NRDC: variants seen among roughly 807,000 people sequenced by gnomAD.
The protein encoded by NRDC is nardilysin.
In NRDC, 54 loss-of-function variants were observed where a neutral mutation model predicts 147.1. The ratio of observed to expected loss-of-function variants is 0.37; its 90% confidence interval spans 0.29 to 0.46. NRDC has a LOEUF of 0.46. Ranked by LOEUF, NRDC falls within the 20% of genes least tolerant of loss-of-function variation. NRDC has a pLI of 1.00. For synonymous variants in NRDC, 440 were observed against 482.1 expected, an observed-to-expected ratio of 0.91 and a Z score of 1.14; for missense variants, 1,082 against 1,370.6, an observed-to-expected ratio of 0.79 and a Z score of 3.33.
At chr1:51,829,634 TCTC>T (rs1210830337) in intron 4 of NRDC, among the ~76,000 whole-genome samples, 8 of 152,194 alleles carry the variant, frequency 5.3e-5, no homozygotes, top group Non-Finnish European at 1.0e-4. Context: ...CAATTTTCTC[TCTC>T]CTCCTTCTAC....
At chr1:51,829,282 G>T (rs910332365) in intron 4 of NRDC, among the ~76,000 whole-genome samples, 22 of 152,206 alleles carry the variant, frequency 1.4e-4, no homozygotes, top group African/African-American at 5.1e-4. Context: ...CTGGGCTCAA[G>T]TGATCCACCT....
intron 29 of NRDC, 74 bp downstream of exon 29, chr1:51,790,459 G>A: frequency 1.1e-6 from 1 of 893,366 alleles, no homozygotes; most frequent in Non-Finnish European, 1.9e-6. Context: ...ATGCTGGTGT[G>A]CACAGACCTG....
At chr1:51,800,135 C>T (rs1370271764) in intron 21 of NRDC, among the ~76,000 whole-genome samples, 1 of 152,150 alleles carries the variant, frequency 6.6e-6, no homozygotes, top group Non-Finnish European at 1.5e-5. Flanking sequence ...CCACCACACC[C>T]AGCTAATTTT....
At chr1:51,802,040 G>A (rs1679234151) in intron 20 of NRDC, among the ~76,000 whole-genome samples, 1 of 152,184 alleles carries the variant, frequency 6.6e-6, no homozygotes, top group Non-Finnish European at 1.5e-5. Context: ...GCCCGCCTCA[G>A]CCTCTCAAAG....
intron 1 of NRDC, among the ~76,000 whole-genome samples, chr1:51,867,283 A>G (rs1393165568): frequency 1.3e-5 from 2 of 152,232 alleles, no homozygotes; most frequent in African/African-American, 2.4e-5. Context: ...AACAGGCACT[A>G]TTCTAGGCAC....
intron 1 of NRDC, among the ~76,000 whole-genome samples, chr1:51,861,011 A>ACGAGC (rs1682505402): frequency 6.7e-6 from 1 of 149,064 alleles, no homozygotes; most frequent in Non-Finnish European, 1.5e-5. Flanking sequence ...ATACAGTGGC[A>ACGAGC]TGAGCTTGGC....
At chr1:51,861,991 C>T (rs1682566863) in intron 1 of NRDC, 1 of 152,136 alleles carries the variant, frequency 6.6e-6, no homozygotes, top group African/African-American at 2.4e-5. Flanking sequence ...TAACATTGGA[C>T]TTAATATCCT....
chr1:51,865,760 C>T (rs1269717332), intron 1 of NRDC, among the ~76,000 whole-genome samples: 1 of 151,634 alleles, frequency 6.6e-6, no homozygotes, highest in Non-Finnish European at 1.5e-5. Flanking sequence ...TTTTTAAAAC[C>T]TAACAATATC....
chr1:51,876,543 T>A (rs1027480972), intron 1 of NRDC, among the ~76,000 whole-genome samples: 1 of 152,228 alleles, frequency 6.6e-6, no homozygotes, highest in Non-Finnish European at 1.5e-5. Context: ...ATTTTTCACT[T>A]GTGGTGTCAT....
intron 5 of NRDC, 129 bp downstream of exon 5, chr1:51,827,667 A>G (rs1680505693): frequency 1.5e-6 from 1 of 667,214 alleles, no homozygotes; most frequent in East Asian, 2.7e-5. Context: ...AACAAACATA[A>G]CACATATTTC....
At position 51,789,669 on chromosome 1, in the gene NRDC, A is replaced by G; in HGVS notation, c.3169-12T>C. ...TTCAGTGCTTCAATCTTACAAGGGA[A>G]GGGAAGATAGGAAAGAAATTCAAGA... On this transcript the variant is annotated splice_polypyrimidine_tract_variant and intron_variant, in intron 29 of 30. Transcript: ENST00000352171. The G allele has an allele frequency of 6.3e-7, 1 of 1,578,554 alleles. No individual in the cohort carries two copies. The highest frequency in any genetic ancestry group is 8.7e-7 in the Non-Finnish European group (1 of 1,147,820).
intron 20 of NRDC, chr1:51,800,908 G>A (rs1256978800): frequency 6.3e-6 from 3 of 474,588 alleles, no homozygotes; most frequent in African/African-American, 2.0e-5. Flanking sequence ...TGGTACTATC[G>A]ACTGTAATTC....
At chr1:51,860,057 C>T in intron 1 of NRDC, 1 of 194,794 alleles carries the variant, frequency 5.1e-6, no homozygotes. Flanking sequence ...TTACTTTGGC[C>T]ATAGTGGTGT....
intron 2 of NRDC, among the ~76,000 whole-genome samples, chr1:51,838,634 GA>G (rs1169299709): frequency 1.3e-5 from 2 of 150,906 alleles, no homozygotes; most frequent in East Asian, 3.9e-4. Flanking sequence ...TTAAAACTGA[GA>G]AAAAAAAGAA....
chr1:51,792,830 C>T (rs748450552), intron 24 of NRDC, among the ~76,000 whole-genome samples: 1 of 152,150 alleles, frequency 6.6e-6, no homozygotes, highest in Admixed American at 6.5e-5. Flanking sequence ...AATAGTGCCA[C>T]ACAACAAGAA....
intron 1 of NRDC, among the ~76,000 whole-genome samples, chr1:51,847,893 C>G (rs561395934): frequency 1.1e-3 from 161 of 152,332 alleles, no homozygotes; most frequent in Middle Eastern, 6.8e-3. Flanking sequence ...CAAGAGCAAG[C>G]GAGGGCTGTG....
chr1:51,815,381 C>T (rs1175577741), intron 11 of NRDC, among the ~76,000 whole-genome samples: 1 of 152,094 alleles, frequency 6.6e-6, no homozygotes, highest in East Asian at 1.9e-4. Flanking sequence ...AACATACTTA[C>T]ATTGAATGTC....
chr1:51,828,718 C>CTTT (rs34609463), intron 4 of NRDC, among the ~76,000 whole-genome samples: 13 of 136,418 alleles, frequency 9.5e-5, no homozygotes, highest in East Asian at 2.1e-4. Flanking sequence ...GTTTAGTAAA[C>CTTT]TTTTTTTTTT....
intron 1 of NRDC, among the ~76,000 whole-genome samples, chr1:51,844,659 G>C (rs1399277881): frequency 6.6e-6 from 1 of 151,398 alleles, no homozygotes; most frequent in South Asian, 2.1e-4. Flanking sequence ...AGGCAGAATT[G>C]CTTGAACCCG....
Sources: gnomAD v4.1 joint callset for allele counts (sites outside exome capture counted in the v4.1 genomes callset) on GRCh38, gnomAD v4.1.1 for gene constraint, MANE v1.5 for transcripts, NCBI Gene and HGNC (gene_info 2026-07-23, HGNC 2026-07-21) for gene names.